NXPE2: variants seen among roughly 807,000 people sequenced by gnomAD.
NXPE2 encodes the protein neurexophilin and PC-esterase domain family member 2, also known as NXPE family member 2.
NXPE2 carries 34 observed loss-of-function variants against 34.4 expected under a neutral mutation model. The observed-to-expected ratio is 0.99, with a 90% CI of 0.75 to 1.31. The LOEUF (loss-of-function observed/expected upper bound fraction) is 1.31. NXPE2 is among the 40% of genes most tolerant of loss of function. The pLI is 0.00. For synonymous variants in NXPE2, 235 were observed against 231.3 expected, an observed-to-expected ratio of 1.02 and a Z score of -0.15; for missense variants, 649 against 672.5, an observed-to-expected ratio of 0.97 and a Z score of 0.39.
chr11:114,739,767 A>C, the NXPE2 span, among the ~76,000 whole-genome samples: 431 of 151,956 alleles, frequency 2.8e-3, no homozygotes, highest in African/African-American at 1.0e-2. Flanking sequence ...GTAGGTAACC[A>C]CTCTTCTACT....
At chr11:114,547,213 A>C in the NXPE2 span, among the ~76,000 whole-genome samples, 1 of 152,186 alleles carries the variant, frequency 6.6e-6, no homozygotes, top group African/African-American at 2.4e-5. Flanking sequence ...CAAGATTAAC[A>C]TCATCAGTGA....
At chr11:114,642,469 T>G in the NXPE2 span, among the ~76,000 whole-genome samples, 1 of 151,820 alleles carries the variant, frequency 6.6e-6, no homozygotes, top group East Asian at 1.9e-4. Flanking sequence ...TTCCCCTCCC[T>G]GTGTCCATGT....
At chr11:114,809,774 T>A in the NXPE2 span, among the ~76,000 whole-genome samples, 1 of 100,114 alleles carries the variant, frequency 1.0e-5, no homozygotes, top group African/African-American at 3.6e-5. Context: ...CCCAAGGTAA[T>A]TTATAGACTC....
At chr11:114,607,309 G>T in the NXPE2 span, among the ~76,000 whole-genome samples, 1 of 151,784 alleles carries the variant, frequency 6.6e-6, no homozygotes, top group Admixed American at 6.6e-5. Flanking sequence ...ATTGCCTCGT[G>T]GGTCACCATT....
the NXPE2 span, among the ~76,000 whole-genome samples, chr11:114,743,148 G>GT: frequency 1.3e-4 from 20 of 151,906 alleles, no homozygotes; most frequent in East Asian, 3.9e-4. Flanking sequence ...TAACCAAACT[G>GT]TTTTTTTTAA....
the NXPE2 span, among the ~76,000 whole-genome samples, chr11:114,752,804 A>ACTTGG: frequency 4.6e-5 from 7 of 152,202 alleles, no homozygotes; most frequent in Admixed American, 6.5e-5. Context: ...AGAGATGTCT[A>ACTTGG]GTAACCAATT....
At chr11:114,612,375 C>G in the NXPE2 span, among the ~76,000 whole-genome samples, 2 of 144,068 alleles carry the variant, frequency 1.4e-5, no homozygotes, top group East Asian at 4.4e-4. Context: ...ACCCGATGGA[C>G]AATAAGTATT....
chr11:114,594,973 A>C, the NXPE2 span, among the ~76,000 whole-genome samples: 2 of 152,180 alleles, frequency 1.3e-5, no homozygotes, highest in Middle Eastern at 3.4e-3. Context: ...TGTACATTCT[A>C]CAGAACAGAT....
the NXPE2 span, among the ~76,000 whole-genome samples, chr11:114,553,156 C>T: frequency 9.2e-5 from 14 of 152,194 alleles, no homozygotes; most frequent in African/African-American, 9.6e-5. Flanking sequence ...TTTCCTCAAT[C>T]GTTTTCATTG....
chr11:114,568,834 A>G, the NXPE2 span, among the ~76,000 whole-genome samples: 1 of 152,192 alleles, frequency 6.6e-6, no homozygotes, highest in African/African-American at 2.4e-5. Context: ...TTTATCATGA[A>G]CTGTGGAATA....
the NXPE2 span, among the ~76,000 whole-genome samples, chr11:114,719,136 T>C: frequency 4.0e-4 from 61 of 152,310 alleles, 2 homozygotes; most frequent in South Asian, 0.011. Context: ...TTAGTTTCAA[T>C]TATATCCTCA....
chr11:114,554,370 T>C, the NXPE2 span: 1 of 985,236 alleles, frequency 1.0e-6, no homozygotes, highest in Non-Finnish European at 1.2e-6. Flanking sequence ...GGCAGCAGCC[T>C]AGCTTAGACC....
intron 2 of NXPE2, among the ~76,000 whole-genome samples, chr11:114,693,294 G>T (rs1405439850): frequency 6.6e-6 from 1 of 152,182 alleles, no homozygotes; most frequent in African/African-American, 2.4e-5. Flanking sequence ...ACACCTCAGA[G>T]AATGAGAAAG....
At chr11:114,633,278 GTTATA>G in the NXPE2 span, among the ~76,000 whole-genome samples, 5 of 132,076 alleles carry the variant, frequency 3.8e-5, no homozygotes, top group Admixed American at 8.0e-5. Flanking sequence ...ATAGTATTAT[GTTATA>G]TTATAAAATT....
chr11:114,716,753 G>GATTAT, the NXPE2 span, among the ~76,000 whole-genome samples: 1 of 152,150 alleles, frequency 6.6e-6, no homozygotes, highest in African/African-American at 2.4e-5. Flanking sequence ...AAGGCAGTTT[G>GATTAT]GTATCAGTCC....
At chr11:114,791,222 T>C in the NXPE2 span, among the ~76,000 whole-genome samples, 3 of 152,082 alleles carry the variant, frequency 2.0e-5, no homozygotes, top group African/African-American at 7.2e-5. Context: ...AATTGAACCT[T>C]GGGCTATTAA....
the NXPE2 span, among the ~76,000 whole-genome samples, chr11:114,615,273 GGTATCCACT>G: frequency 6.6e-6 from 1 of 151,848 alleles, no homozygotes; most frequent in South Asian, 2.1e-4. Flanking sequence ...TTTCCTTGTG[GGTATCCACT>G]GTTACCTGGT....
At chr11:114,670,388 A>C in the NXPE2 span, among the ~76,000 whole-genome samples, 1 of 151,994 alleles carries the variant, frequency 6.6e-6, no homozygotes. Context: ...AAAATAGCCC[A>C]GCCCAATTAC....
the NXPE2 span, among the ~76,000 whole-genome samples, chr11:114,483,496 C>G: frequency 2.0e-5 from 3 of 152,170 alleles, no homozygotes; most frequent in African/African-American, 7.2e-5. Flanking sequence ...AATGCAAGGC[C>G]TTAAGCCCAG....
Sources: gnomAD v4.1 joint callset for allele counts (sites outside exome capture counted in the v4.1 genomes callset) on GRCh38, gnomAD v4.1.1 for gene constraint, MANE v1.5 for transcripts, NCBI Gene and HGNC (gene_info 2026-07-23, HGNC 2026-07-21) for gene names.